The following POU2F3 variants were observed in gnomAD, a reference collection of about 807,000 sequenced individuals.
The protein encoded by POU2F3 is POU domain, class 2, transcription factor 3.
In POU2F3, 23 loss-of-function variants were observed where a neutral mutation model predicts 59.2. The ratio of observed to expected loss-of-function variants is 0.39; its 90% CI spans 0.28 to 0.55. The LOEUF (loss-of-function observed/expected upper bound fraction) is 0.55. POU2F3 is among the 20% of genes least tolerant of loss of function. The pLI is 0.66. For missense variants in POU2F3, 473 were observed against 544.5 expected (o/e 0.87, Z 1.31); for synonymous variants, 190 against 214.6 (o/e 0.89, Z 1.00).
At chr11:120,307,055 T>C (rs1376355515) in intron 8 of POU2F3, among the ~76,000 whole-genome samples, 1 of 152,222 alleles carries the variant, frequency 6.6e-6, no homozygotes, top group Non-Finnish European at 1.5e-5. Context: ...GCAAATCTCA[T>C]TTCACATTTC....
At chr11:120,244,918 C>T (rs993605775) in intron 1 of POU2F3, among the ~76,000 whole-genome samples, 1 of 131,280 alleles carries the variant, frequency 7.6e-6, no homozygotes, top group Non-Finnish European at 1.6e-5. Flanking sequence ...AGGTTAGGCT[C>T]AAGAAATGCC....
intron 3 of POU2F3, among the ~76,000 whole-genome samples, chr11:120,273,315 G>A (rs1940157503): frequency 2.0e-5 from 3 of 152,224 alleles, no homozygotes; most frequent in South Asian, 4.1e-4. Context: ...AAACTGCAAC[G>A]ATGCATAGTG....
Position 120,318,478 on chromosome 11 carries a change from C to G in POU2F3, c.*86C>G, listed in dbSNP as rs1941844412. The G allele has an allele frequency of 2.2e-6, 3 of 1,366,160 alleles. No individual in the cohort carries two copies. Among genetic ancestry groups the G allele is most frequent in the Non-Finnish European group, 3.1e-6 (3 of 961,202 alleles). 84.6% of individuals were successfully genotyped at this position (1,366,160 alleles called of 1,614,324 possible). ...TGCCTTCTATATACAGACAGATTGC[C>G]TTCAGAAGAGTGGAAGAAAATCTCC... On this transcript the variant is annotated 3_prime_UTR_variant, in exon 13 of 13. Coordinates refer to ENST00000543440, the MANE Select transcript of POU2F3 (RefSeq NM_014352.4).
rs777009511 is a variant in POU2F3, at chr11:120,317,261, A to G, written c.1168A>G (p.Arg390Gly). The change falls in exon 12 of 13, where the codon AGG (arginine) becomes GGG (glycine). Residue 390 changes from arginine to glycine, a missense_variant. Transcript: ENST00000543440. ...TSSCSPGNNS[R>G]PSSPGSGLHA... The stretch of plus-strand genomic sequence containing the variant: ...ATCCTGTTCCCCTGGGAACAACAGC[A>G]GGCCTTCATCTCCTGGCTCAGGACT... 10 of 1,614,100 alleles carry G rather than the reference A, an allele frequency of 6.2e-6. No homozygotes were observed. In the East Asian group the frequency reaches 2.2e-4, roughly 36 times the overall value.
intron 2 of POU2F3, among the ~76,000 whole-genome samples, chr11:120,257,777 AACAAGAAATGG>A (rs1299427889): frequency 6.6e-6 from 1 of 152,184 alleles, no homozygotes; most frequent in Non-Finnish European, 1.5e-5. Context: ...GTGAGGATCA[AACAAGAAATGG>A]ACATGGAAGT....
At chr11:120,264,392 T>C (rs1455616403) in intron 2 of POU2F3, among the ~76,000 whole-genome samples, 2 of 152,172 alleles carry the variant, frequency 1.3e-5, no homozygotes, top group Non-Finnish European at 2.9e-5. Context: ...AATGAATGAA[T>C]GAATGATGCA....
upstream of POU2F3, chr11:120,236,674 A>C (rs774113974): frequency 1.3e-6 from 2 of 1,504,214 alleles, no homozygotes; most frequent in East Asian, 4.9e-5. Flanking sequence ...AACCGGTTTC[A>C]TGGAGTCTCC....
chr11:120,318,267 C>T, intron 12 of POU2F3, 86 bp from the exon 13 acceptor site: 1 of 1,307,938 alleles, frequency 7.6e-7, no homozygotes, highest in Non-Finnish European at 1.1e-6. Flanking sequence ...CTGCAAAAGC[C>T]CCTGTACCTG....
intron 2 of POU2F3, among the ~76,000 whole-genome samples, chr11:120,257,200 T>G (rs1003940993): frequency 6.6e-6 from 1 of 152,208 alleles, no homozygotes; most frequent in Non-Finnish European, 1.5e-5. Flanking sequence ...TTTTCCTATT[T>G]TATAGGGGAG....
At chr11:120,309,621 C>T (rs1432576026) in intron 10 of POU2F3, 35 bp downstream of exon 10, 1 of 1,601,886 alleles carries the variant, frequency 6.2e-7, no homozygotes, top group Non-Finnish European at 8.5e-7. Context: ...CTGCCAAGCA[C>T]TGGAGGGACA....
intron 3 of POU2F3, among the ~76,000 whole-genome samples, chr11:120,286,157 T>A (rs1940772650): frequency 6.6e-6 from 1 of 152,202 alleles, no homozygotes; most frequent in Admixed American, 6.5e-5. Flanking sequence ...AGGGCTGGGA[T>A]TACAGGCGTG....
chr11:120,237,250 G>A (rs572577420), upstream of POU2F3, among the ~76,000 whole-genome samples: 7 of 152,288 alleles, frequency 4.6e-5, no homozygotes, highest in African/African-American at 1.7e-4. Flanking sequence ...TTGGCACGTA[G>A]GAAGCACTCA....
At chr11:120,251,044 C>T (rs775715832) in intron 2 of POU2F3, among the ~76,000 whole-genome samples, 2 of 152,072 alleles carry the variant, frequency 1.3e-5, no homozygotes, top group Admixed American at 6.6e-5. Flanking sequence ...CATAGCTCCC[C>T]GCAACCTTGA....
chr11:120,306,325 G>C (rs1165404469), intron 8 of POU2F3, among the ~76,000 whole-genome samples: 1 of 152,106 alleles, frequency 6.6e-6, no homozygotes, highest in Non-Finnish European at 1.5e-5. Context: ...ACTCAGTGAG[G>C]GGTGGTGGCC....
intron 10 of POU2F3, among the ~76,000 whole-genome samples, chr11:120,313,956 G>A (rs1194177679): frequency 6.6e-6 from 1 of 152,230 alleles, no homozygotes; most frequent in Non-Finnish European, 1.5e-5. Flanking sequence ...AGAGGTTGCA[G>A]TGAACCGTGA....
chr11:120,304,944 A>T, intron 6 of POU2F3, 86 bp from the exon 7 acceptor site: 1 of 274,868 alleles, frequency 3.6e-6, no homozygotes, highest in Non-Finnish European at 5.2e-6. Flanking sequence ...CCTATTAGTA[A>T]AAAAAAAAAA....
chr11:120,247,449 G>A (rs1273346267), intron 2 of POU2F3, among the ~76,000 whole-genome samples: 1 of 152,214 alleles, frequency 6.6e-6, no homozygotes, highest in African/African-American at 2.4e-5. Flanking sequence ...GGCATCCACA[G>A]TATGCATTTG....
intron 10 of POU2F3, among the ~76,000 whole-genome samples, chr11:120,309,856 G>C (rs143946546): frequency 4.3e-4 from 65 of 152,254 alleles, no homozygotes; most frequent in African/African-American, 1.5e-3. Context: ...GGATATCTGG[G>C]GGAATGAATG....
chr11:120,243,365 G>A (rs1276169823), intron 1 of POU2F3, among the ~76,000 whole-genome samples: 2 of 152,050 alleles, frequency 1.3e-5, no homozygotes, highest in Non-Finnish European at 1.5e-5. Flanking sequence ...TGCAGCCTGT[G>A]GGGAGTGCTT....
Sources: allele counts gnomAD v4.1 joint callset (sites outside exome capture counted in the v4.1 genomes callset), GRCh38; gene constraint gnomAD v4.1.1; transcripts MANE v1.5; gene names NCBI Gene and HGNC (gene_info 2026-07-23, HGNC 2026-07-21).